Variants in WWOX observed in about 807,000 individuals in gnomAD.
WWOX encodes WW domain containing oxidoreductase, also known as WW domain-containing oxidoreductase.
WWOX carries 69 observed loss-of-function variants against 46.2 expected under a neutral mutation model. That is an observed-to-expected ratio of 1.49 (90% CI 1.23 to 1.82). The LOEUF (loss-of-function observed/expected upper bound fraction) is 1.82, where lower values mean the gene tolerates loss of function less well. Ranked by LOEUF, WWOX falls within the 40% of genes most tolerant of loss-of-function variation. The probability of loss-of-function intolerance (pLI) is 0.00; values close to 1 mark genes in which losing one functional copy is unlikely to be tolerated. For synonymous variants in WWOX, 359 were observed against 202.6 expected (o/e 1.77, Z -6.56); for missense variants, 919 against 542.6 (o/e 1.69, Z -6.89).
chr16:79,005,708 C>T (rs577943244), intron 8 of WWOX, among the ~76,000 whole-genome samples: 5 of 152,232 alleles, frequency 3.3e-5, no homozygotes, highest in South Asian at 4.1e-4. Flanking sequence ...TAGAGCCCAC[C>T]CTAATTCACT....
intron 8 of WWOX, among the ~76,000 whole-genome samples, chr16:78,799,368 C>A (rs1036223662): frequency 6.6e-6 from 1 of 152,184 alleles, no homozygotes; most frequent in Non-Finnish European, 1.5e-5. Flanking sequence ...TCTGGGTTAG[C>A]AAACACATGC....
intron 8 of WWOX, among the ~76,000 whole-genome samples, chr16:78,511,212 G>T (rs2085352100): frequency 6.6e-6 from 1 of 152,140 alleles, no homozygotes; most frequent in Non-Finnish European, 1.5e-5. Flanking sequence ...AAAAGCAGCT[G>T]GTTACCTCCC....
chr16:78,882,680 G>A (rs2044368716), intron 8 of WWOX, among the ~76,000 whole-genome samples: 1 of 151,922 alleles, frequency 6.6e-6, no homozygotes, highest in Admixed American at 6.6e-5. Flanking sequence ...TAGAGACAGG[G>A]GTTTCACCTT....
intron 6 of WWOX, among the ~76,000 whole-genome samples, chr16:78,399,164 G>A (rs2082356781): frequency 6.6e-6 from 1 of 152,170 alleles, no homozygotes; most frequent in Admixed American, 6.5e-5. Flanking sequence ...TGGATAGAAG[G>A]TTGGAAGACA....
intron 5 of WWOX, among the ~76,000 whole-genome samples, chr16:78,273,874 A>G (rs1338022782): frequency 1.3e-5 from 2 of 152,114 alleles, no homozygotes; most frequent in Non-Finnish European, 1.5e-5. Flanking sequence ...TGAATTCATG[A>G]CGCCTGTGGG....
chr16:78,839,814 C>G (rs976481590), intron 8 of WWOX, among the ~76,000 whole-genome samples: 1 of 152,168 alleles, frequency 6.6e-6, no homozygotes, highest in African/African-American at 2.4e-5. Context: ...CCTCCTAAAA[C>G]CGTCTCATCA....
At chr16:78,803,681 A>C (rs1471924838) in intron 8 of WWOX, among the ~76,000 whole-genome samples, 1 of 151,660 alleles carries the variant, frequency 6.6e-6, no homozygotes, top group Non-Finnish European at 1.5e-5. Flanking sequence ...TTGCTCTCAA[A>C]CTCCTAGGCT....
intron 8 of WWOX, among the ~76,000 whole-genome samples, chr16:78,643,233 C>G (rs1391467373): frequency 1.3e-5 from 2 of 152,168 alleles, no homozygotes; most frequent in Admixed American, 6.5e-5. Context: ...ACACGTATGC[C>G]TAGAAAACAT....
chr16:79,195,256 C>T (rs2051216247), intron 8 of WWOX, among the ~76,000 whole-genome samples: 1 of 152,068 alleles, frequency 6.6e-6, no homozygotes, highest in Non-Finnish European at 1.5e-5. Context: ...CTAGGATCCA[C>T]ACCTGTAGGG....
chr16:78,915,779 C>G (rs906722388), intron 8 of WWOX, among the ~76,000 whole-genome samples: 22 of 152,174 alleles, frequency 1.4e-4, no homozygotes, highest in African/African-American at 5.3e-4. Context: ...CGAAAAGGAA[C>G]TTGGTATCGT....
chr16:79,202,129 C>T (rs1353954260), intron 8 of WWOX, among the ~76,000 whole-genome samples: 2 of 152,126 alleles, frequency 1.3e-5, no homozygotes, highest in Non-Finnish European at 2.9e-5. Flanking sequence ...TGGCCGCTTT[C>T]ACAACAATAG....
intron 8 of WWOX, among the ~76,000 whole-genome samples, chr16:78,997,568 C>T (rs2047014905): frequency 6.6e-6 from 1 of 152,142 alleles, no homozygotes; most frequent in Non-Finnish European, 1.5e-5. Context: ...GTATATACAA[C>T]AGTACCTATA....
At chr16:78,562,498 T>C (rs2044463285) in intron 8 of WWOX, among the ~76,000 whole-genome samples, 1 of 152,102 alleles carries the variant, frequency 6.6e-6, no homozygotes, top group African/African-American at 2.4e-5. Flanking sequence ...TTCATGGAGG[T>C]ACCCATTCTG....
intron 8 of WWOX, among the ~76,000 whole-genome samples, chr16:79,096,531 C>G (rs1462065330): frequency 6.6e-6 from 1 of 152,212 alleles, no homozygotes; most frequent in Non-Finnish European, 1.5e-5. Context: ...CATCCTTTCT[C>G]TGTTACCTTC....
At chr16:79,074,004 A>T (rs1331434065) in intron 8 of WWOX, among the ~76,000 whole-genome samples, 1 of 151,390 alleles carries the variant, frequency 6.6e-6, no homozygotes, top group Non-Finnish European at 1.5e-5. Context: ...GTCTGAGGAA[A>T]AAAAAAGCCT....
intron 8 of WWOX, among the ~76,000 whole-genome samples, chr16:79,097,743 A>G (rs1172469776): frequency 1.3e-5 from 2 of 152,144 alleles, no homozygotes; most frequent in East Asian, 3.9e-4. Context: ...TATTTAGGGA[A>G]GGCGATCATG....
intron 8 of WWOX, among the ~76,000 whole-genome samples, chr16:79,043,725 G>A (rs969198857): frequency 2.6e-5 from 4 of 152,172 alleles, no homozygotes; most frequent in Admixed American, 1.3e-4. Flanking sequence ...CATAACCAGG[G>A]AATTAATCTC....
intron 8 of WWOX, among the ~76,000 whole-genome samples, chr16:78,717,240 G>C (rs1422344523): frequency 1.3e-5 from 2 of 152,132 alleles, no homozygotes; most frequent in African/African-American, 4.8e-5. Context: ...AATTCATTAA[G>C]CATTGCTAAA....
At chr16:79,026,992 A>C (rs2047658368) in intron 8 of WWOX, among the ~76,000 whole-genome samples, 1 of 151,202 alleles carries the variant, frequency 6.6e-6, no homozygotes, top group African/African-American at 2.4e-5. Context: ...AAGTTAACAC[A>C]GTGGAGTCCA....
Sources: allele counts gnomAD v4.1 joint callset (sites outside exome capture counted in the v4.1 genomes callset), GRCh38; gene constraint gnomAD v4.1.1; transcripts MANE v1.5; gene names NCBI Gene and HGNC (gene_info 2026-07-23, HGNC 2026-07-21).